Variants in MGMT observed in about 807,000 individuals in gnomAD.
MGMT encodes the protein methylated-DNA--protein-cysteine methyltransferase.
MGMT carries 14 observed loss-of-function variants against 15.9 expected under a neutral mutation model. The ratio of observed to expected loss-of-function variants is 0.88; its 90% CI spans 0.58 to 1.37. The LOEUF (loss-of-function observed/expected upper bound fraction) is 1.37. Ranked by LOEUF, MGMT falls within the 40% of genes most tolerant of loss-of-function variation. The probability of loss-of-function intolerance (pLI) is 0.00; values close to 1 mark genes in which losing one functional copy is unlikely to be tolerated. For missense variants in MGMT, 282 were observed against 268.1 expected, an observed-to-expected ratio of 1.05 and a Z score of -0.36; for synonymous variants, 130 against 118.2, an observed-to-expected ratio of 1.10 and a Z score of -0.65.
chr10:129,726,137 G>T (rs1458240735), intron 3 of MGMT, among the ~76,000 whole-genome samples: 1 of 151,994 alleles, frequency 6.6e-6, no homozygotes, highest in African/African-American at 2.4e-5. Flanking sequence ...CAAGTGGCGG[G>T]GCCTCTGCCA....
At chr10:129,506,502 G>A (rs974313208) in intron 1 of MGMT, among the ~76,000 whole-genome samples, 29 of 152,220 alleles carry the variant, frequency 1.9e-4, no homozygotes, top group East Asian at 3.9e-4. Context: ...TGAAGTAGCC[G>A]TTCAGTCATC....
In MGMT at chr10:129,476,399, G is replaced by C. The variant is rs1403979202; in HGVS notation, c.-13+9103G>C. ...GACTTGCCTTCTTTGGGCCTGAGAC[G>C]CTTCTCCCCCAGCTGTGGAGATCAT... is the stretch of plus-strand genomic sequence containing the variant. On this transcript the variant is annotated intron_variant, in intron 1 of 4. Transcript: ENST00000651593. Among the ~76,000 whole-genome samples, 4 of 152,286 alleles carry C rather than the reference G, an allele frequency of 2.6e-5. No individual in the cohort carries two copies. In the South Asian group the frequency reaches 6.2e-4, roughly 24 times the overall value.
At chr10:129,746,636 C>T (rs1034377809) in intron 3 of MGMT, among the ~76,000 whole-genome samples, 1 of 152,114 alleles carries the variant, frequency 6.6e-6, no homozygotes, top group East Asian at 1.9e-4. Context: ...TTCAGTAGGT[C>T]TATTTTGGAA....
chr10:129,541,270 A>T (rs1846039900), intron 2 of MGMT, among the ~76,000 whole-genome samples: 1 of 152,240 alleles, frequency 6.6e-6, no homozygotes, highest in African/African-American at 2.4e-5. Flanking sequence ...TCCAAAAGGG[A>T]AGCAACATAA....
At chr10:129,717,792 G>C (rs1046394899) in intron 3 of MGMT, 5 of 152,100 alleles carry the variant, frequency 3.3e-5, no homozygotes, top group African/African-American at 1.2e-4. Context: ...TTCCTTTTCT[G>C]GAAAACAGGA....
intron 1 of MGMT, among the ~76,000 whole-genome samples, chr10:129,505,881 G>C (rs1470920038): frequency 6.6e-6 from 1 of 152,142 alleles, no homozygotes; most frequent in Admixed American, 6.5e-5. Flanking sequence ...AGCCTGAGGG[G>C]TTGTGCTTGT....
chr10:129,742,181 G>C (rs1351079907), intron 3 of MGMT, among the ~76,000 whole-genome samples: 1 of 152,200 alleles, frequency 6.6e-6, no homozygotes. Flanking sequence ...TCAGTGTTCT[G>C]TCTGGGGAGG....
chr10:129,759,370 T>TG, intron 4 of MGMT, 29 bp downstream of exon 4: 1 of 1,613,628 alleles, frequency 6.2e-7, no homozygotes, highest in Non-Finnish European at 8.5e-7. Flanking sequence ...AGCATGGCTG[T>TG]GGGTGGCGGG....
intron 1 of MGMT, among the ~76,000 whole-genome samples, chr10:129,477,616 G>A (rs1055237395): frequency 2.2e-4 from 33 of 152,198 alleles, no homozygotes; most frequent in African/African-American, 6.8e-4. Context: ...TACCGTGTGA[G>A]GACACAGCGA....
rs140654036 is a variant in MGMT at position 129,535,715 on chromosome 10, A to G, written c.-12-526A>G. On this transcript the variant is annotated intron_variant, in intron 1 of 4. Transcript: ENST00000651593. Reference sequence around the variant, plus strand: ...CACAGCATTAGTGGAACACCCCAGCATTGCTCATCCTCTCCGGGCTGGCTC... The same window carrying G: ...CACAGCATTAGTGGAACACCCCAGCGTTGCTCATCCTCTCCGGGCTGGCTC... Among the ~76,000 whole-genome samples the G allele has an allele frequency of 3.4e-3, 518 of 152,326 alleles. 2 individuals carry two copies. Among genetic ancestry groups the G allele is most frequent in the Non-Finnish European group, 6.5e-3 (439 of 68,040 alleles).
intron 1 of MGMT, among the ~76,000 whole-genome samples, chr10:129,480,276 G>A (rs895493137): frequency 1.3e-5 from 2 of 152,116 alleles, no homozygotes; most frequent in African/African-American, 2.4e-5. Context: ...ATCAGGACTC[G>A]GCAAGTGGTA....
intron 2 of MGMT, among the ~76,000 whole-genome samples, chr10:129,595,690 C>T (rs1017193151): frequency 2.6e-5 from 4 of 152,134 alleles, no homozygotes; most frequent in Non-Finnish European, 5.9e-5. Flanking sequence ...GTAGGAGTCA[C>T]TGTTTCAGAT....
At chr10:129,515,464 A>T (rs1195879187) in intron 1 of MGMT, among the ~76,000 whole-genome samples, 2 of 151,806 alleles carry the variant, frequency 1.3e-5, no homozygotes, top group Non-Finnish European at 3.0e-5. Context: ...ATTACTTGAT[A>T]GCACGTGTCC....
chr10:129,679,976 T>G (rs1847829058), intron 2 of MGMT, among the ~76,000 whole-genome samples: 2 of 152,202 alleles, frequency 1.3e-5, no homozygotes, highest in Non-Finnish European at 2.9e-5. Context: ...ACCATTCTGA[T>G]CCTAATCCCA....
At chr10:129,665,303 A>ACT (rs200511842) in intron 2 of MGMT, among the ~76,000 whole-genome samples, 21 of 131,770 alleles carry the variant, frequency 1.6e-4, no homozygotes, top group African/African-American at 3.6e-4. Flanking sequence ...CTCTCTCCCA[A>ACT]CTCTCTCTCT....
intron 4 of MGMT, among the ~76,000 whole-genome samples, chr10:129,759,967 T>G (rs1848853557): frequency 6.6e-6 from 1 of 152,214 alleles, no homozygotes; most frequent in Admixed American, 6.5e-5. Context: ...CCCAGAGCCC[T>G]TCTGTGTCCT....
At chr10:129,708,079 G>A (rs762930244) in intron 3 of MGMT, 36 bp downstream of exon 3, 1 of 1,581,036 alleles carries the variant, frequency 6.3e-7, no homozygotes, top group East Asian at 2.2e-5. Context: ...TTTCCTTTGG[G>A]GAGCTTGACT....
Position 129,768,000 on chromosome 10 carries a change from G to T in MGMT, c.*1003G>T, listed in dbSNP as rs528049648. On this transcript the variant is annotated 3_prime_UTR_variant, in exon 5 of 5. Coordinates refer to ENST00000651593, the MANE Select transcript of MGMT (RefSeq NM_002412.5). ...AGCCGGAAGGGAAACCTGTAGCTCT[G>T]CATATGGAGAAATAAAACAGAGCAT... 13 of 152,344 alleles carry T rather than the reference G, an allele frequency of 8.5e-5. No homozygotes were observed. In the South Asian group the frequency reaches 2.7e-3, roughly 32 times the overall value. 9.4% of individuals were successfully genotyped at this position (152,344 alleles called of 1,614,324 possible). A position where few individuals can be genotyped will look rare whatever the true frequency, so the allele number is the denominator to read the frequency against.
At chr10:129,555,843 T>C (rs937444121) in intron 2 of MGMT, among the ~76,000 whole-genome samples, 28 of 152,162 alleles carry the variant, frequency 1.8e-4, no homozygotes, top group Admixed American at 1.8e-3. Context: ...GAATTCCAAG[T>C]TTTATTTTCG....
Sources: allele counts gnomAD v4.1 joint callset (sites outside exome capture counted in the v4.1 genomes callset), GRCh38; gene constraint gnomAD v4.1.1; transcripts MANE v1.5; gene names NCBI Gene and HGNC (gene_info 2026-07-23, HGNC 2026-07-21).